C15orf40: variants seen among roughly 807,000 people sequenced by gnomAD.
C15orf40 encodes the protein chromosome 15 open reading frame 40.
In C15orf40, 9 loss-of-function variants were observed where a neutral mutation model predicts 13.9. The ratio of observed to expected loss-of-function variants is 0.65; its 90% CI spans 0.39 to 1.13. C15orf40 has a LOEUF of 1.13. Ranked by LOEUF, C15orf40 falls within the 50% of genes most tolerant of loss-of-function variation. The pLI is 0.01. For missense variants in C15orf40, 225 were observed against 188.5 expected, an observed-to-expected ratio of 1.19 and a Z score of -1.13; for synonymous variants, 95 against 69.2, an observed-to-expected ratio of 1.37 and a Z score of -1.85.
chr15:83,008,472 C>G (rs759665304), intron 3 of C15orf40, 76 bp downstream of exon 3: 1 of 1,489,302 alleles, frequency 6.7e-7, no homozygotes, highest in African/African-American at 1.4e-5. Flanking sequence ...TGAGCCAAGA[C>G]TACGCCACTG....
chr15:82,990,845 G>T (rs1361537524), downstream of C15orf40: 8 of 502,642 alleles, frequency 1.6e-5, no homozygotes, highest in African/African-American at 1.1e-4. Context: ...GCTGCATTTT[G>T]ATGGTTCTTA....
chr15:82,991,629 C>G (rs150858175), downstream of C15orf40, among the ~76,000 whole-genome samples: 1 of 152,174 alleles, frequency 6.6e-6, no homozygotes, highest in Non-Finnish European at 1.5e-5. Flanking sequence ...AGGTTGACTT[C>G]TCCAGGTACT....
At chr15:83,008,781 C>T in intron 2 of C15orf40, 106 bp from the exon 3 acceptor site, 2 of 1,235,490 alleles carry the variant, frequency 1.6e-6, no homozygotes, top group South Asian at 1.6e-5. Flanking sequence ...CACAGATTTT[C>T]AATTAAAAAC....
In C15orf40 at chr15:83,005,053, T is replaced by C; in HGVS notation, c.*544A>G. 1 of 1,208,232 alleles carries C rather than the reference T, an allele frequency of 8.3e-7. No individual in the cohort carries two copies. Among genetic ancestry groups the C allele is most frequent in the Non-Finnish European group, 1.1e-6 (1 of 935,684 alleles). The allele number at this position is 1,208,232 out of a possible 1,614,324, so 74.8% of individuals were successfully genotyped here. A position where few individuals can be genotyped will look rare whatever the true frequency, so the allele number is the denominator to read the frequency against. On this transcript the variant is annotated 3_prime_UTR_variant, in exon 4 of 4. Transcript: ENST00000304177. ...ATCTTGAATATTCTTCCCAGCTCTG[T>C]TATTTTACAACGCCATGAAATCAGA...
chr15:82,994,815 A>T (rs774169488), downstream of C15orf40: 1 of 152,192 alleles, frequency 6.6e-6, no homozygotes, highest in Non-Finnish European at 1.5e-5. Context: ...TATATAAGGT[A>T]CTCAAAGAAT....
downstream of C15orf40, among the ~76,000 whole-genome samples, chr15:82,989,608 A>G (rs2030772157): frequency 6.6e-6 from 1 of 152,216 alleles, no homozygotes; most frequent in Non-Finnish European, 1.5e-5. Flanking sequence ...ATTTTTGTAC[A>G]ATTGAATAGA....
intron 3 of C15orf40, among the ~76,000 whole-genome samples, chr15:83,005,970 G>A (rs572602654): frequency 6.6e-6 from 1 of 152,056 alleles, no homozygotes; most frequent in South Asian, 2.1e-4. Context: ...GGTGGCTCAC[G>A]CCTGTAATCC....
Position 83,011,485 on chromosome 15 carries a change from C to A in C15orf40, c.111+12G>T. Reference sequence around the variant, plus strand: ...GGCCCACCCCTCTGCCGCCACGGGACCTGCTACTGGCCTTGGTCGTCGCAC... The same window carrying A: ...GGCCCACCCCTCTGCCGCCACGGGAACTGCTACTGGCCTTGGTCGTCGCAC... On this transcript the variant is annotated intron_variant, in intron 1 of 3. Transcript: ENST00000304177. The A allele has an allele frequency of 1.3e-6, 2 of 1,595,634 alleles. No homozygotes were observed.
At chr15:83,006,154 C>A (rs1402873789) in intron 3 of C15orf40, among the ~76,000 whole-genome samples, 1 of 151,562 alleles carries the variant, frequency 6.6e-6, no homozygotes, top group African/African-American at 2.4e-5. Flanking sequence ...TCGCTGGAAC[C>A]CAGGAGGCAG....
In C15orf40 at chr15:83,004,657, ACATTT is replaced by A. The variant is rs2031577653; in HGVS notation, c.*935_*939del. 2 of 896,056 alleles carry A rather than the reference ACATTT, an allele frequency of 2.2e-6. No homozygotes were observed. The highest frequency in any genetic ancestry group is 2.7e-6 in the Non-Finnish European group (2 of 747,352). 55.5% of individuals were successfully genotyped at this position (896,056 alleles called of 1,614,324 possible). ...AGTGACTTCTCAAAAATTATAATTCACATTTAATTACAAGTCATGATTTTTCTTTA... is the reference window on the plus strand; with the variant it reads ...AGTGACTTCTCAAAAATTATAATTCAAATTACAAGTCATGATTTTTCTTTA... On this transcript the variant is annotated 3_prime_UTR_variant, in exon 4 of 4. Transcript: ENST00000304177.
Position 83,004,745 on chromosome 15 carries a change from T to A in C15orf40, c.*852A>T, listed in dbSNP as rs79765770. On this transcript the variant is annotated 3_prime_UTR_variant, in exon 4 of 4. Coordinates refer to ENST00000304177, the MANE Select transcript of C15orf40 (RefSeq NM_144597.3). The stretch of plus-strand genomic sequence containing the variant: ...AAAGATGTAAAAAAAAAATTTTTTT[T>A]ACATTTAAATAAGCATTTAAAAATC... 1 of 1,011,656 alleles carries A rather than the reference T, an allele frequency of 9.9e-7. No homozygotes were observed. Among genetic ancestry groups the A allele is most frequent in the Non-Finnish European group, 1.2e-6 (1 of 837,722 alleles). The allele number at this position is 1,011,656 out of a possible 1,614,324, so 62.7% of individuals were successfully genotyped here.
At chr15:82,990,722 C>G (rs2030821774), downstream of C15orf40, 2 of 1,314,468 alleles carry the variant, frequency 1.5e-6, no homozygotes, top group Admixed American at 2.1e-5. Flanking sequence ...GATAAGGGTA[C>G]ACATCATTTT....
At chr15:82,990,615 C>T (rs1033285518), downstream of C15orf40, 236 of 1,497,286 alleles carry the variant, frequency 1.6e-4, no homozygotes, top group Non-Finnish European at 2.1e-4. Flanking sequence ...TGAGTCAGCT[C>T]CACACTTGAG....
At position 83,005,444 on chromosome 15, in the gene C15orf40, C is replaced by G. The variant is rs1440704777; in HGVS notation, c.*153G>C. On this transcript the variant is annotated 3_prime_UTR_variant, in exon 4 of 4. Coordinates refer to ENST00000304177, the MANE Select transcript of C15orf40 (RefSeq NM_144597.3). ...GGATTACAGGCATGCGCCATCACAT[C>G]TGGCTAATTTTGTATTTTTCGTAGA... 1 of 724,974 alleles carries G rather than the reference C, an allele frequency of 1.4e-6. No individual in the cohort carries two copies. The highest frequency in any genetic ancestry group is 2.0e-6 in the Non-Finnish European group (1 of 508,908). The allele number at this position is 724,974 out of a possible 1,614,324, so 44.9% of individuals were successfully genotyped here.
intron 3 of C15orf40, 73 bp downstream of exon 3, chr15:83,008,475 C>T (rs560439005): frequency 2.5e-4 from 379 of 1,504,386 alleles, no homozygotes; most frequent in Non-Finnish European, 3.2e-4. Flanking sequence ...GCCAAGACTA[C>T]GCCACTGCAC....
In C15orf40 at chr15:83,003,643, A is replaced by C. The variant is rs1487522178; in HGVS notation, c.*1954T>G. The stretch of plus-strand genomic sequence containing the variant: ...GGGCTTAAACCAAGCTCTGCCATTA[A>C]TGTGCACTGTGATCTCACATAAGCC... On this transcript the variant is annotated 3_prime_UTR_variant, in exon 4 of 4. Transcript: ENST00000304177. 1 of 152,228 alleles carries C rather than the reference A, an allele frequency of 6.6e-6. No homozygotes were observed. The highest frequency in any genetic ancestry group is 1.5e-5 in the Non-Finnish European group (1 of 68,060). 9.4% of individuals were successfully genotyped at this position (152,228 alleles called of 1,614,324 possible).
intron 3 of C15orf40, among the ~76,000 whole-genome samples, chr15:83,006,968 C>T (rs2031721042): frequency 6.6e-6 from 1 of 152,152 alleles, no homozygotes; most frequent in Non-Finnish European, 1.5e-5. Flanking sequence ...TTTTTAGGTG[C>T]AGTCTGTTAA....
chr15:83,008,222 T>TA (rs1477470542), intron 3 of C15orf40: 1 of 231,738 alleles, frequency 4.3e-6, no homozygotes, highest in African/African-American at 2.4e-5. Flanking sequence ...TAAAGAAGTT[T>TA]AAAAAGAGAG....
At chr15:83,011,334 G>A in intron 1 of C15orf40, 163 bp downstream of exon 1, 1 of 727,874 alleles carries the variant, frequency 1.4e-6, no homozygotes, top group Non-Finnish European at 2.0e-6. Flanking sequence ...GACGGCAGCA[G>A]GCCGCAGCTC....
Sources: allele counts gnomAD v4.1 joint callset (sites outside exome capture counted in the v4.1 genomes callset), GRCh38; gene constraint gnomAD v4.1.1; transcripts MANE v1.5; gene names NCBI Gene and HGNC (gene_info 2026-07-23, HGNC 2026-07-21).